SLC8A3: variants seen among roughly 807,000 people sequenced by gnomAD.
SLC8A3 encodes the protein solute carrier family 8 member A3, also known as sodium/calcium exchanger 3.
In SLC8A3, 37 loss-of-function variants were observed where a neutral mutation model predicts 65.4. That is an observed-to-expected ratio of 0.57 (90% confidence interval 0.44 to 0.74). SLC8A3 has a LOEUF of 0.74. Ranked by LOEUF, SLC8A3 falls within the 30% of genes least tolerant of loss-of-function variation. The pLI, the probability that SLC8A3 is intolerant of heterozygous loss-of-function variation, is 0.00. For missense variants in SLC8A3, 1,112 were observed against 1,172.1 expected (o/e 0.95, Z 0.75); for synonymous variants, 461 against 444.5 (o/e 1.04, Z -0.47).
intron 2 of SLC8A3, among the ~76,000 whole-genome samples, chr14:70,137,977 A>C (rs1241558883): frequency 1.3e-5 from 2 of 151,724 alleles, no homozygotes; most frequent in African/African-American, 4.8e-5. Flanking sequence ...TCAATCCATC[A>C]CTCCGCTCAA....
rs1555385182 is a variant in SLC8A3 at position 70,174,651 on chromosome 14, G to GGTTTTT, written c.-62-6168_-62-6167insAAAAAC. 2.2e-4 allele frequency among the ~76,000 whole-genome samples: 20 copies of GGTTTTT among 90,368 alleles called. 1 individual carries two copies. The highest frequency in any genetic ancestry group is 9.4e-4 in the African/African-American group (19 of 20,254). The allele number at this position is 90,368 out of a possible 152,430, so 59.3% of individuals were successfully genotyped here. On this transcript the variant is annotated intron_variant, in intron 1 of 6. Transcript: ENST00000356921. The stretch of plus-strand genomic sequence containing the variant: ...CCAAAAAGCCCCTTGGACCAAATCC[G>GGTTTTT]TTTTTTTTTTGTTTTTTTTTTTTTT...
chr14:70,103,600 T>C (rs962336369), intron 2 of SLC8A3, among the ~76,000 whole-genome samples: 14 of 152,138 alleles, frequency 9.2e-5, no homozygotes, highest in African/African-American at 3.4e-4. Flanking sequence ...TTGTCTGTGG[T>C]AAGTATACAT....
intron 2 of SLC8A3, among the ~76,000 whole-genome samples, chr14:70,122,640 A>G (rs890179420): frequency 1.3e-5 from 2 of 152,232 alleles, no homozygotes; most frequent in Non-Finnish European, 1.5e-5. Flanking sequence ...CATAACGGGT[A>G]TTTAATAAAT....
intron 2 of SLC8A3, among the ~76,000 whole-genome samples, chr14:70,070,470 T>C (rs1006487779): frequency 3.3e-5 from 5 of 152,204 alleles, no homozygotes; most frequent in Non-Finnish European, 7.3e-5. Context: ...GAGCTGGGAA[T>C]TGAATTCAAA....
At position 70,167,029 on chromosome 14, in the gene SLC8A3, G is replaced by C. The variant is rs1897209844; in HGVS notation, c.1394C>G (p.Ser465Cys). 6.2e-7 allele frequency: 1 copy of C among 1,613,774 alleles called. No individual in the cohort carries two copies. The highest frequency in any genetic ancestry group is 1.7e-5 in the Admixed American group (1 of 60,002). The change falls in exon 2 of 7, where the codon TCC becomes TGC. Residue 465 changes from serine to cysteine, a missense_variant. By Grantham distance (112) the Ser-to-Cys change is moderately radical (BLOSUM62 -1). Transcript: ENST00000356921. ...AATGTCGTCATCAATTATGCCCACG[G>C]AGAACTCCTTCTGGGTCTCTCCTGG... ...LKPGETQKEF[S>C]VGIIDDDIFE...
In SLC8A3 at chr14:70,046,354, G is replaced by A; in HGVS notation, c.2390-31C>T. ...AAAGGACAAAGACACATGGGAACTGGTAGGAGGCTAAGGTGTGCAGGGCTT... is the reference window on the plus strand; with the variant it reads ...AAAGGACAAAGACACATGGGAACTGATAGGAGGCTAAGGTGTGCAGGGCTT... On this transcript the variant is annotated intron_variant, in intron 6 of 6. Coordinates refer to ENST00000356921, the MANE Select transcript of SLC8A3 (RefSeq NM_182932.3). The surrounding 1 kb of genome is among the most constrained non-coding windows in gnomAD (Gnocchi z 4.2). 1.3e-6 allele frequency: 2 copies of A among 1,573,860 alleles called. No individual in the cohort carries two copies. The highest frequency in any genetic ancestry group is 1.2e-5 in the South Asian group (1 of 83,694).
rs528047804 is a variant in SLC8A3 at position 70,182,459 on chromosome 14, A to G, written c.-63+5920T>C. On this transcript the variant is annotated intron_variant, in intron 1 of 6. Coordinates refer to ENST00000356921, the MANE Select transcript of SLC8A3 (RefSeq NM_182932.3). ...TTGGAGTGGAAGTGGAAGAGGGGCC[A>G]TGTAGAGGTAGTGAGACCTAGAGAG... Among the ~76,000 whole-genome samples the G allele has an allele frequency of 2.8e-4, 42 of 152,272 alleles. 1 individual carries two copies. In the South Asian group the frequency reaches 7.1e-3, roughly 26 times the overall value.
intron 2 of SLC8A3, among the ~76,000 whole-genome samples, chr14:70,126,025 G>A (rs1195436543): frequency 6.6e-6 from 1 of 152,190 alleles, no homozygotes; most frequent in African/African-American, 2.4e-5. Context: ...CATTTCTAAG[G>A]TGCATCAGAT....
intron 2 of SLC8A3, among the ~76,000 whole-genome samples, chr14:70,081,491 C>T (rs993401186): frequency 6.6e-6 from 1 of 152,216 alleles, no homozygotes; most frequent in Non-Finnish European, 1.5e-5. Context: ...CATGTCAAAA[C>T]AATCAGGCTG....
intron 2 of SLC8A3, among the ~76,000 whole-genome samples, chr14:70,095,524 T>C (rs1892113855): frequency 6.6e-6 from 1 of 152,226 alleles, no homozygotes. Flanking sequence ...CTTCCCGGCC[T>C]CCTTGCTGCC....
At chr14:70,180,505 TC>T (rs145335080) in intron 1 of SLC8A3, among the ~76,000 whole-genome samples, 15,656 of 152,148 alleles carry the variant, frequency 0.1, 1,077 homozygotes, top group African/African-American at 0.18. Flanking sequence ...CATAATGATT[TC>T]CCCTTGAGGT....
chr14:70,129,185 G>C (rs17175562), intron 2 of SLC8A3, among the ~76,000 whole-genome samples: 3,383 of 152,318 alleles, frequency 0.022, 64 homozygotes, highest in South Asian at 0.058. Context: ...CAATGCCTGA[G>C]TGGAGGAAGA....
rs1221679861 is a variant in SLC8A3, at chr14:70,045,030, C to G, written c.*917G>C. On this transcript the variant is annotated 3_prime_UTR_variant, in exon 7 of 7. Coordinates refer to ENST00000356921, the MANE Select transcript of SLC8A3 (RefSeq NM_182932.3). The stretch of plus-strand genomic sequence containing the variant: ...CACCATTCCTATTTTTGTCCCATCT[C>G]TTCTATTTGGCGGGTCTTCCTGCAG... 6.6e-6 allele frequency: 1 copy of G among 152,174 alleles called. No homozygotes were observed. The highest frequency in any genetic ancestry group is 6.5e-5 in the Admixed American group (1 of 15,272). The allele number at this position is 152,174 out of a possible 1,614,324, so 9.4% of individuals were successfully genotyped here. A position where few individuals can be genotyped will look rare whatever the true frequency, so the allele number is the denominator to read the frequency against.
chr14:70,134,091 C>T (rs1464081833), intron 2 of SLC8A3, among the ~76,000 whole-genome samples: 1 of 152,212 alleles, frequency 6.6e-6, no homozygotes, highest in Non-Finnish European at 1.5e-5. Context: ...TTAAATTGAG[C>T]ACTTGCTCAC....
intron 2 of SLC8A3, among the ~76,000 whole-genome samples, chr14:70,072,841 T>C (rs556433104): frequency 6.6e-6 from 1 of 152,180 alleles, no homozygotes; most frequent in South Asian, 2.1e-4. Flanking sequence ...CGAGATGGGG[T>C]TTTGCCATGT....
At position 70,074,670 on chromosome 14, in the gene SLC8A3, A is replaced by G. The variant is rs143915230; in HGVS notation, c.1785-13731T>C. On this transcript the variant is annotated intron_variant, in intron 2 of 6. Coordinates refer to ENST00000356921, the MANE Select transcript of SLC8A3 (RefSeq NM_182932.3). ...TAGAACAGACAGGCATAGATCCAGG[A>G]CAGGGATCAGGGTGAGACTAGTAAG... 4.6e-5 allele frequency among the ~76,000 whole-genome samples: 7 copies of G among 152,360 alleles called. No individual in the cohort carries two copies. In the East Asian group the frequency reaches 1.3e-3, roughly 29 times the overall value.
chr14:70,053,010 C>A (rs1887677871), intron 3 of SLC8A3, among the ~76,000 whole-genome samples: 1 of 152,166 alleles, frequency 6.6e-6, no homozygotes, highest in South Asian at 2.1e-4. Context: ...ACTGAAAAGA[C>A]TATAAGCCAA....
At position 70,046,138 on chromosome 14, in the gene SLC8A3, C is replaced by A. The variant is rs573316122; in HGVS notation, c.2575G>T (p.Val859Phe). ...HVSAGTLAFSVTLFTIFAFVC... is the reference protein window; with the variant it reads ...HVSAGTLAFSFTLFTIFAFVC... ...AATGCAAAGATGGTGAAGAGGGTGA[C>A]GGAGAAGGCCAGTGTGCCGGCCGAC... The change falls in exon 7 of 7, where the codon GTC (valine) becomes TTC (phenylalanine). Residue 859 changes from valine to phenylalanine, a missense_variant. Physicochemically the swap from Val to Phe is conservative, Grantham distance 50. Coordinates refer to ENST00000356921, the MANE Select transcript of SLC8A3 (RefSeq NM_182932.3). This position sits in a 1 kb window ranked among gnomAD's most constrained non-coding sequence, Gnocchi z 4.2. 2 of 1,614,132 alleles carry A rather than the reference C, an allele frequency of 1.2e-6. No homozygotes were observed. The highest frequency in any genetic ancestry group is 2.2e-5 in the South Asian group (2 of 91,076).
intron 2 of SLC8A3, among the ~76,000 whole-genome samples, chr14:70,128,536 G>A (rs372575644): frequency 6.6e-6 from 1 of 152,194 alleles, no homozygotes; most frequent in East Asian, 1.9e-4. Flanking sequence ...CTTTAAGACC[G>A]ACTTCTTTAA....
Sources: gnomAD v4.1 joint callset for allele counts (sites outside exome capture counted in the v4.1 genomes callset) on GRCh38, gnomAD v4.1.1 for gene constraint, Gnocchi (gnomAD v3.1) non-coding constraint, MANE v1.5 for transcripts, NCBI Gene and HGNC (gene_info 2026-07-23, HGNC 2026-07-21) for gene names.